Variants in NCKAP5 observed in about 807,000 individuals in gnomAD.
The protein encoded by NCKAP5 is nck-associated protein 5.
Under a neutral mutation model 167.0 loss-of-function variants are expected in NCKAP5, and 92 were observed. That is an observed-to-expected ratio of 0.55 (90% CI 0.47 to 0.66). The LOEUF is 0.66. Ranked by LOEUF, NCKAP5 falls within the 30% of genes least tolerant of loss-of-function variation. NCKAP5 has a pLI of 0.00. For synonymous variants in NCKAP5, 891 were observed against 877.4 expected, an observed-to-expected ratio of 1.02 and a Z score of -0.27; for missense variants, 2,378 against 2,315.0, an observed-to-expected ratio of 1.03 and a Z score of -0.56.
chr2:133,623,632 TA>T, the NCKAP5 span, among the ~76,000 whole-genome samples: 5,812 of 121,974 alleles, frequency 0.048, 115 homozygotes, highest in African/African-American at 0.072. Flanking sequence ...ATGACCACAA[TA>T]AAAAAAAAAA....
chr2:132,738,260 A>G (rs1229714169), intron 16 of NCKAP5, among the ~76,000 whole-genome samples: 1 of 152,224 alleles, frequency 6.6e-6, no homozygotes, highest in Non-Finnish European at 1.5e-5. Flanking sequence ...TCCTTGGGAC[A>G]AGAATGGATG....
chr2:132,865,982 T>C (rs1305981392), intron 10 of NCKAP5, among the ~76,000 whole-genome samples: 1 of 152,196 alleles, frequency 6.6e-6, no homozygotes, highest in Non-Finnish European at 1.5e-5. Context: ...CACGGATGGT[T>C]CAATTGCCCC....
chr2:132,722,147 T>A (rs1689987498), intron 19 of NCKAP5, among the ~76,000 whole-genome samples: 1 of 152,176 alleles, frequency 6.6e-6, no homozygotes, highest in South Asian at 2.1e-4. Flanking sequence ...CTTGCGCAAC[T>A]CATGTAGACA....
chr2:133,299,900 AAG>A (rs900655610), intron 4 of NCKAP5, among the ~76,000 whole-genome samples: 3 of 151,860 alleles, frequency 2.0e-5, no homozygotes, highest in African/African-American at 7.3e-5. Context: ...ACTAATGAAA[AAG>A]AGAGAAGAAT....
At chr2:132,942,953 G>T (rs1222242833) in intron 8 of NCKAP5, among the ~76,000 whole-genome samples, 1 of 152,200 alleles carries the variant, frequency 6.6e-6, no homozygotes. Flanking sequence ...TAGTCTGCAG[G>T]AAGTCATTAA....
At chr2:133,505,619 G>A (rs537273158) in intron 3 of NCKAP5, among the ~76,000 whole-genome samples, 2 of 152,250 alleles carry the variant, frequency 1.3e-5, no homozygotes, top group African/African-American at 4.8e-5. Flanking sequence ...TGAGAACACG[G>A]AGGCTCAGAG....
intron 19 of NCKAP5, among the ~76,000 whole-genome samples, chr2:132,716,512 T>C (rs1190976588): frequency 6.6e-6 from 1 of 152,188 alleles, no homozygotes; most frequent in African/African-American, 2.4e-5. Flanking sequence ...ATTTGTCTTT[T>C]GCTTTGAAAT....
At chr2:133,312,396 C>T (rs1681305330) in intron 3 of NCKAP5, among the ~76,000 whole-genome samples, 1 of 152,160 alleles carries the variant, frequency 6.6e-6, no homozygotes, top group Non-Finnish European at 1.5e-5. Flanking sequence ...AAAAAATCCC[C>T]CATCTCTCTC....
chr2:132,791,538 A>T (rs1574232074), intron 12 of NCKAP5, among the ~76,000 whole-genome samples: 1 of 152,358 alleles, frequency 6.6e-6, no homozygotes, highest in Admixed American at 6.5e-5. Context: ...CCAACCACTG[A>T]GAACAGAATC....
chr2:132,798,264 C>T (rs892917110), intron 11 of NCKAP5, among the ~76,000 whole-genome samples: 2 of 152,114 alleles, frequency 1.3e-5, no homozygotes, highest in Non-Finnish European at 2.9e-5. Flanking sequence ...TCTCATCTTG[C>T]AATCTCCGGA....
the NCKAP5 span, among the ~76,000 whole-genome samples, chr2:133,665,782 G>T: frequency 1.3e-5 from 2 of 151,828 alleles, no homozygotes; most frequent in Non-Finnish European, 2.9e-5. Context: ...GTTTATTGTG[G>T]GTAAAAACTG....
At chr2:133,635,949 G>A in the NCKAP5 span, among the ~76,000 whole-genome samples, 3 of 152,144 alleles carry the variant, frequency 2.0e-5, no homozygotes, top group African/African-American at 7.2e-5. Context: ...GCAGCAAGCA[G>A]AGTTATGGAC....
intron 7 of NCKAP5, among the ~76,000 whole-genome samples, chr2:132,985,865 G>GACATA (rs2149282075): frequency 6.6e-6 from 1 of 152,226 alleles, no homozygotes; most frequent in South Asian, 2.1e-4. Flanking sequence ...ATAGGCCACA[G>GACATA]ACATAAATAA....
At chr2:133,359,390 A>C (rs1036973101) in intron 3 of NCKAP5, among the ~76,000 whole-genome samples, 1 of 152,206 alleles carries the variant, frequency 6.6e-6, no homozygotes, top group Non-Finnish European at 1.5e-5. Flanking sequence ...TTGTTACTAC[A>C]CTGAAATCTT....
intron 6 of NCKAP5, among the ~76,000 whole-genome samples, chr2:133,017,024 TGTG>T (rs2078361703): frequency 6.6e-6 from 1 of 152,230 alleles, no homozygotes; most frequent in South Asian, 2.1e-4. Flanking sequence ...CAGTGTGAAA[TGTG>T]TTCAATATTT....
chr2:133,287,767 T>C (rs750828462), intron 4 of NCKAP5, among the ~76,000 whole-genome samples: 46 of 152,110 alleles, frequency 3.0e-4, no homozygotes, highest in Non-Finnish European at 5.3e-4. Flanking sequence ...GAGGAATGCA[T>C]GTGAAGAGGT....
chr2:133,010,807 T>G (rs1432982386), intron 6 of NCKAP5, among the ~76,000 whole-genome samples: 1 of 152,140 alleles, frequency 6.6e-6, no homozygotes, highest in Non-Finnish European at 1.5e-5. Flanking sequence ...ATGAAAAGGA[T>G]TTTGGAAATA....
At chr2:133,019,107 G>A (rs959520964) in intron 6 of NCKAP5, among the ~76,000 whole-genome samples, 5 of 152,168 alleles carry the variant, frequency 3.3e-5, no homozygotes, top group South Asian at 2.1e-4. Flanking sequence ...CTATGATACC[G>A]TGGATTTCAC....
chr2:133,533,226 A>C (rs553389255), intron 2 of NCKAP5, among the ~76,000 whole-genome samples: 2 of 152,366 alleles, frequency 1.3e-5, no homozygotes, highest in Admixed American at 1.3e-4. Flanking sequence ...GGACCCATGC[A>C]AAAAGGGCAG....
Sources: allele counts gnomAD v4.1 joint callset (sites outside exome capture counted in the v4.1 genomes callset), GRCh38; gene constraint gnomAD v4.1.1; transcripts MANE v1.5; gene names NCBI Gene and HGNC (gene_info 2026-07-23, HGNC 2026-07-21).